The following FILIP1L variants were observed in gnomAD, a reference collection of about 807,000 sequenced individuals.
FILIP1L encodes the protein filamin A interacting protein 1 like.
Under a neutral mutation model 96.6 loss-of-function variants are expected in FILIP1L, and 55 were observed. The observed-to-expected ratio is 0.57, with a 90% CI of 0.46 to 0.71. The LOEUF is 0.71. Ranked by LOEUF, FILIP1L falls within the 30% of genes least tolerant of loss-of-function variation. The pLI is 0.00. For missense variants in FILIP1L, 1,304 were observed against 1,321.2 expected, an observed-to-expected ratio of 0.99 and a Z score of 0.20; for synonymous variants, 467 against 473.9, an observed-to-expected ratio of 0.99 and a Z score of 0.19.
rs893721618 is a variant in FILIP1L at position 99,918,349 on chromosome 3, A to G, written c.605+5881T>C. ...CAAAAGTTATACATAGCTGCAGATC[A>G]GGTCTGCAGACCAGACTGCCACTAT... On this transcript the variant is annotated intron_variant, in intron 4 of 5. Coordinates refer to ENST00000477258, the MANE Select transcript of FILIP1L (RefSeq NM_001387850.1). Among the ~76,000 whole-genome samples, 4 of 152,330 alleles carry G rather than the reference A, an allele frequency of 2.6e-5. 1 individual carries two copies. The highest frequency in any genetic ancestry group is 2.6e-4 in the Admixed American group (4 of 15,306).
intron 1 of FILIP1L, among the ~76,000 whole-genome samples, chr3:99,942,116 G>T (rs1434907684): frequency 3.3e-5 from 5 of 151,944 alleles, no homozygotes; most frequent in African/African-American, 4.8e-5. Flanking sequence ...CAGGAGAATG[G>T]CGTGAACCTG....
intron 4 of FILIP1L, among the ~76,000 whole-genome samples, chr3:99,893,001 C>A (rs1257759830): frequency 6.6e-6 from 1 of 152,110 alleles, no homozygotes; most frequent in Non-Finnish European, 1.5e-5. Flanking sequence ...GTGATCAGGA[C>A]AGTGACTGGA....
At chr3:100,060,643 T>G (rs981586452) in intron 1 of FILIP1L, among the ~76,000 whole-genome samples, 7 of 151,762 alleles carry the variant, frequency 4.6e-5, no homozygotes, top group Non-Finnish European at 8.8e-5. Flanking sequence ...TACCTTGAGC[T>G]CACAAATTTG....
intron 1 of FILIP1L, among the ~76,000 whole-genome samples, chr3:100,030,190 TC>T (rs1255362414): frequency 2.0e-5 from 3 of 152,144 alleles, no homozygotes; most frequent in Non-Finnish European, 4.4e-5. Context: ...ACTCCTATTT[TC>T]TAGTTTAATA....
chr3:100,064,221 T>C (rs1392210180), intron 1 of FILIP1L, among the ~76,000 whole-genome samples: 1 of 152,158 alleles, frequency 6.6e-6, no homozygotes, highest in Admixed American at 6.5e-5. Context: ...GTGTGGTGGA[T>C]TGGGAAAGAG....
intron 1 of FILIP1L, among the ~76,000 whole-genome samples, chr3:99,979,037 C>A (rs1559711675): frequency 6.6e-6 from 1 of 152,038 alleles, no homozygotes; most frequent in Non-Finnish European, 1.5e-5. Flanking sequence ...TGTAGGGCGA[C>A]TAGAGGGTGT....
chr3:99,957,813 G>A (rs554975315), intron 1 of FILIP1L, among the ~76,000 whole-genome samples: 2 of 146,766 alleles, frequency 1.4e-5, no homozygotes, highest in Admixed American at 6.9e-5. Flanking sequence ...TTCACACATA[G>A]CTTGTTTTTA....
chr3:99,994,846 C>T lies in FILIP1L; in HGVS notation c.-10-63816G>A, dbSNP rs140632608. Among the ~76,000 whole-genome samples, 705 of 152,292 alleles carry T rather than the reference C, an allele frequency of 4.6e-3. 2 individuals carry two copies. The highest frequency in any genetic ancestry group is 7.1e-3 in the South Asian group (34 of 4,822). ...CAGATCTCATGAGACTTATTCACTA[C>T]CACGAGAACAGTATGGGAGAAACTG... On this transcript the variant is annotated intron_variant, in intron 1 of 5. Coordinates refer to ENST00000477258, the MANE Select transcript of FILIP1L (RefSeq NM_001387850.1).
rs188024104 is a variant in FILIP1L, at chr3:100,079,563, A to G, written c.-11+34490T>C. On this transcript the variant is annotated intron_variant, in intron 1 of 5. Transcript: ENST00000477258. ...AAAAAAGTAGATTTTTTATTTTTGA[A>G]TAGATACAGTCAGTGTCACTTTTGA... Among the ~76,000 whole-genome samples the G allele has an allele frequency of 3.3e-5, 5 of 152,332 alleles. No homozygotes were observed. The East Asian group carries it at 9.6e-4, about 29-fold the overall frequency.
chr3:99,935,324 C>A (rs776041234), intron 1 of FILIP1L, among the ~76,000 whole-genome samples: 1 of 150,626 alleles, frequency 6.6e-6, no homozygotes, highest in Non-Finnish European at 1.5e-5. Flanking sequence ...CTTTACTCTT[C>A]ATGAAGTGCT....
intron 5 of FILIP1L, among the ~76,000 whole-genome samples, chr3:99,846,670 T>C (rs1321533290): frequency 6.6e-6 from 1 of 152,232 alleles, no homozygotes; most frequent in Non-Finnish European, 1.5e-5. Flanking sequence ...GTGTTGCAGT[T>C]CGTCACCATG....
At chr3:100,036,875 T>TA (rs1455975529) in intron 1 of FILIP1L, among the ~76,000 whole-genome samples, 1 of 152,202 alleles carries the variant, frequency 6.6e-6, no homozygotes, top group Non-Finnish European at 1.5e-5. Flanking sequence ...GTGAGAAAGA[T>TA]ACGTTATTTC....
At chr3:99,976,359 G>A (rs1425698132) in intron 1 of FILIP1L, among the ~76,000 whole-genome samples, 1 of 152,180 alleles carries the variant, frequency 6.6e-6, no homozygotes, top group Non-Finnish European at 1.5e-5. Context: ...GGATAGGGAT[G>A]TCTATTTTTA....
At chr3:99,933,636 T>C (rs147887870) in intron 1 of FILIP1L, among the ~76,000 whole-genome samples, 2 of 152,314 alleles carry the variant, frequency 1.3e-5, no homozygotes, top group East Asian at 3.9e-4. Context: ...ATAGAAATAA[T>C]GGAAGGTTGT....
At chr3:100,068,033 G>C (rs2065695998) in intron 1 of FILIP1L, among the ~76,000 whole-genome samples, 1 of 152,042 alleles carries the variant, frequency 6.6e-6, no homozygotes, top group South Asian at 2.1e-4. Context: ...TTAAAGTCAA[G>C]CCAACCTGGA....
intron 4 of FILIP1L, among the ~76,000 whole-genome samples, chr3:99,887,218 G>A (rs1705930171): frequency 6.6e-6 from 1 of 151,612 alleles, no homozygotes. Flanking sequence ...GGTTAGCCGA[G>A]ATTGAGCCAT....
At chr3:100,041,856 A>G (rs2065210424) in intron 1 of FILIP1L, among the ~76,000 whole-genome samples, 1 of 152,192 alleles carries the variant, frequency 6.6e-6, no homozygotes, top group African/African-American at 2.4e-5. Context: ...ACATGAAAGT[A>G]TATCACATGC....
intron 4 of FILIP1L, among the ~76,000 whole-genome samples, chr3:99,918,108 G>C (rs1707008747): frequency 6.6e-6 from 1 of 152,086 alleles, no homozygotes; most frequent in Admixed American, 6.5e-5. Context: ...CTCCTGAGTA[G>C]CTGGGATTAC....
chr3:99,886,655 T>C (rs1227516854), intron 4 of FILIP1L, among the ~76,000 whole-genome samples: 1 of 152,100 alleles, frequency 6.6e-6, no homozygotes, highest in Non-Finnish European at 1.5e-5. Flanking sequence ...AAGAATATTT[T>C]AAAAATATCA....
Sources: gnomAD v4.1 joint callset for allele counts (sites outside exome capture counted in the v4.1 genomes callset) on GRCh38, gnomAD v4.1.1 for gene constraint, MANE v1.5 for transcripts, NCBI Gene and HGNC (gene_info 2026-07-23, HGNC 2026-07-21) for gene names.